NNT: variants seen among roughly 807,000 people sequenced by gnomAD.
The protein encoded by NNT is NAD(P) transhydrogenase, mitochondrial.
Under a neutral mutation model 104.8 loss-of-function variants are expected in NNT, and 50 were observed. That is an observed-to-expected ratio of 0.48 (90% CI 0.38 to 0.60). The LOEUF is 0.60. Ranked by LOEUF, NNT falls within the 20% of genes least tolerant of loss-of-function variation. The pLI is 0.00. For missense variants in NNT, 1,131 were observed against 1,330.7 expected (o/e 0.85, Z 2.33); for synonymous variants, 461 against 490.4 (o/e 0.94, Z 0.79).
chr5:43,654,169 A>G (rs1222821199), intron 14 of NNT, among the ~76,000 whole-genome samples: 2 of 152,220 alleles, frequency 1.3e-5, no homozygotes, highest in Non-Finnish European at 2.9e-5. Context: ...AATACTATGT[A>G]TCAGTGGGCT....
At chr5:43,642,816 A>G (rs1751306339) in intron 7 of NNT, among the ~76,000 whole-genome samples, 1 of 152,224 alleles carries the variant, frequency 6.6e-6, no homozygotes, top group Non-Finnish European at 1.5e-5. Flanking sequence ...CACATGTACT[A>G]CAAATGTTAT....
intron 19 of NNT, among the ~76,000 whole-genome samples, chr5:43,699,044 C>A (rs1742711852): frequency 6.6e-6 from 1 of 151,962 alleles, no homozygotes; most frequent in Non-Finnish European, 1.5e-5. Flanking sequence ...TCATTCACTT[C>A]TTATGGAGCC....
chr5:43,630,375 T>A (rs1372536561), intron 7 of NNT, among the ~76,000 whole-genome samples: 1 of 152,182 alleles, frequency 6.6e-6, no homozygotes, highest in African/African-American at 2.4e-5. Flanking sequence ...AAAATACAGA[T>A]CATTTGAAGT....
chr5:43,641,071 A>G (rs936195192), intron 7 of NNT, among the ~76,000 whole-genome samples: 3 of 151,824 alleles, frequency 2.0e-5, no homozygotes, highest in Non-Finnish European at 4.4e-5. Flanking sequence ...GTTTGGGTAG[A>G]TATTTTTTAC....
chr5:43,645,376 C>A lies in NNT; in HGVS notation c.1310C>A (p.Pro437Gln). ...VVMKDGKVIF[P>Q]APTPKNIPQG... ...TATTAGGATGGTAAAGTGATTTTCC[C>A]AGCTCCCACACCGAAAAATATTCCT... The change falls in exon 10 of 22, where the codon CCA becomes CAA. Residue 437 changes from proline to glutamine, a missense_variant. By Grantham distance (76) the Pro-to-Gln change is moderately conservative. Coordinates refer to ENST00000344920, the MANE Select transcript of NNT (RefSeq NM_182977.3). The A allele has an allele frequency of 1.3e-6, 2 of 1,548,258 alleles. No individual in the cohort carries two copies. Among genetic ancestry groups the A allele is most frequent in the African/African-American group, 1.4e-5 (1 of 72,102 alleles).
At chr5:43,687,927 A>G (rs1742066728) in intron 19 of NNT, among the ~76,000 whole-genome samples, 1 of 152,208 alleles carries the variant, frequency 6.6e-6, no homozygotes, top group Admixed American at 6.5e-5. Flanking sequence ...GATGACAAAA[A>G]CAGTATTAAA....
rs373230053 is a variant in NNT at position 43,609,319 on chromosome 5, C to T, written c.124C>T (p.Leu42=). The T allele has an allele frequency of 2.5e-6, 4 of 1,613,868 alleles. No homozygotes were observed. The highest frequency in any genetic ancestry group is 2.7e-5 in the African/African-American group (2 of 74,876). Residue 42 remains leucine, a synonymous_variant, in exon 2 of 22, where the codon CTG becomes TTG. Coordinates refer to ENST00000344920, the MANE Select transcript of NNT (RefSeq NM_182977.3). ...FLRTFYTHQE[L]WCKAPVKPGI... The stretch of plus-strand genomic sequence containing the variant: ...ACGAACATTTTATACTCACCAAGAA[C>T]TGTGGTGTAAAGCGCCTGTAAAACC...
At chr5:43,681,277 A>G (rs991910212) in intron 19 of NNT, among the ~76,000 whole-genome samples, 1 of 151,852 alleles carries the variant, frequency 6.6e-6, no homozygotes, top group African/African-American at 2.4e-5. Flanking sequence ...AAAAAAAAAA[A>G]AAAGAAAGGG....
chr5:43,630,823 G>T (rs548740929), intron 7 of NNT, among the ~76,000 whole-genome samples: 2 of 152,188 alleles, frequency 1.3e-5, no homozygotes, highest in Admixed American at 6.5e-5. Flanking sequence ...AAAGAAAGTG[G>T]GTCATATAAT....
intron 7 of NNT, among the ~76,000 whole-genome samples, chr5:43,642,927 A>T (rs531484570): frequency 6.6e-6 from 1 of 152,302 alleles, no homozygotes; most frequent in Non-Finnish European, 1.5e-5. Flanking sequence ...TTTATAAAAA[A>T]TATGTATATT....
intron 19 of NNT, among the ~76,000 whole-genome samples, chr5:43,680,191 T>G (rs972504684): frequency 2.6e-5 from 4 of 152,192 alleles, no homozygotes; most frequent in African/African-American, 9.7e-5. Context: ...TTTTGCTTTG[T>G]GCGTGTGTTA....
intron 1 of NNT, among the ~76,000 whole-genome samples, chr5:43,605,805 C>G (rs1441384772): frequency 6.6e-6 from 1 of 152,118 alleles, no homozygotes; most frequent in Non-Finnish European, 1.5e-5. Context: ...AAATGACCTC[C>G]TGATCTCTGC....
intron 19 of NNT, among the ~76,000 whole-genome samples, chr5:43,685,502 C>A (rs978541523): frequency 6.6e-6 from 1 of 151,968 alleles, no homozygotes; most frequent in Non-Finnish European, 1.5e-5. Context: ...TTAAAAAAAT[C>A]TGTTGATCCT....
In NNT at chr5:43,655,999, T is replaced by C. The variant is rs749964139; in HGVS notation, c.2219T>C (p.Ile740Thr). Reference protein sequence around the residue: ...ATDAAANLTKIVAYLGTYIGG... With the variant: ...ATDAAANLTKTVAYLGTYIGG... ...GATGCAGCAGCAAATCTCACCAAGA[T>C]TGTGGCCTACCTCGGCACTTACATT... Residue 740 changes from isoleucine to threonine, a missense_variant, in exon 15 of 22, where the codon ATT becomes ACT. Transcript: ENST00000344920. 8 of 1,614,110 alleles carry C rather than the reference T, an allele frequency of 5.0e-6. No homozygotes were observed. The Admixed American group carries it at 1.2e-4, about 24-fold the overall frequency.
At chr5:43,608,822 C>T (rs1293378647) in intron 1 of NNT, among the ~76,000 whole-genome samples, 3 of 152,134 alleles carry the variant, frequency 2.0e-5, no homozygotes, top group African/African-American at 7.2e-5. Flanking sequence ...GATTCTGTAG[C>T]AATATGTGTG....
intron 17 of NNT, among the ~76,000 whole-genome samples, chr5:43,670,551 T>C (rs187657999): frequency 6.6e-6 from 1 of 152,246 alleles, no homozygotes; most frequent in African/African-American, 2.4e-5. Flanking sequence ...CCAGTAGTCA[T>C]TCAGGAGCAG....
intron 4 of NNT, among the ~76,000 whole-genome samples, chr5:43,616,432 C>T (rs1238757572): frequency 4.6e-5 from 7 of 152,126 alleles, no homozygotes; most frequent in Non-Finnish European, 1.0e-4. Context: ...AGAATAGTGA[C>T]AATTTCATGT....
At chr5:43,643,219 A>G (rs1751328748) in intron 7 of NNT, among the ~76,000 whole-genome samples, 3 of 152,214 alleles carry the variant, frequency 2.0e-5, no homozygotes, top group Admixed American at 2.0e-4. Context: ...GCACCCAGCC[A>G]TGCTCTACTT....
Position 43,674,345 on chromosome 5 carries a change from C to G in NNT, c.2635-1166C>G, listed in dbSNP as rs75017736. Among the ~76,000 whole-genome samples the G allele has an allele frequency of 7.0e-3, 1,066 of 152,234 alleles. 8 individuals carry two copies. Among genetic ancestry groups the G allele is most frequent in the Middle Eastern group, 0.027 (8 of 294 alleles). On this transcript the variant is annotated intron_variant, in intron 17 of 21. Transcript: ENST00000344920. The stretch of plus-strand genomic sequence containing the variant: ...ACTCAGCATAATGGAAATGTCTCCA[C>G]CAAGCTGGTAGCAGGCTGAGCCATC...
Sources: gnomAD v4.1 joint callset for allele counts (sites outside exome capture counted in the v4.1 genomes callset) on GRCh38, gnomAD v4.1.1 for gene constraint, MANE v1.5 for transcripts, NCBI Gene and HGNC (gene_info 2026-07-23, HGNC 2026-07-21) for gene names.